Variants in PPM1H observed in about 807,000 individuals in gnomAD.
PPM1H encodes the protein protein phosphatase 1H.
A neutral mutation model predicts 54.9 loss-of-function variants in PPM1H; 27 were observed. The ratio of observed to expected loss-of-function variants is 0.49; its 90% CI spans 0.36 to 0.68. The LOEUF is 0.68. Among genes scored for constraint, PPM1H ranks in the 30% least tolerant of loss-of-function variants. PPM1H has a pLI of 0.00. For synonymous variants in PPM1H, 305 were observed against 270.8 expected, an observed-to-expected ratio of 1.13 and a Z score of -1.24; for missense variants, 596 against 667.8, an observed-to-expected ratio of 0.89 and a Z score of 1.19.
intron 1 of PPM1H, among the ~76,000 whole-genome samples, chr12:62,856,749 A>G (rs1169823418): frequency 6.6e-6 from 1 of 152,180 alleles, no homozygotes; most frequent in Non-Finnish European, 1.5e-5. Flanking sequence ...TTAAAAATGA[A>G]CTGATGCCAA....
At chr12:62,926,538 T>C (rs1871975372) in intron 1 of PPM1H, among the ~76,000 whole-genome samples, 1 of 152,120 alleles carries the variant, frequency 6.6e-6, no homozygotes, top group African/African-American at 2.4e-5. Flanking sequence ...AAAATGAACA[T>C]GTTAGAAAAA....
chr12:62,694,425 G>A (rs1270734788), intron 6 of PPM1H, among the ~76,000 whole-genome samples: 3 of 152,148 alleles, frequency 2.0e-5, no homozygotes, highest in African/African-American at 7.2e-5. Flanking sequence ...AAACAGCCTT[G>A]TATTGGGATG....
chr12:62,795,752 A>T (rs1404215925), intron 3 of PPM1H, among the ~76,000 whole-genome samples: 1 of 151,332 alleles, frequency 6.6e-6, no homozygotes, highest in Non-Finnish European at 1.5e-5. Flanking sequence ...TTTGAGACAG[A>T]GTCTCGCTCC....
chr12:62,655,464 G>A (rs2075838755), intron 9 of PPM1H, among the ~76,000 whole-genome samples: 1 of 152,202 alleles, frequency 6.6e-6, no homozygotes, highest in Non-Finnish European at 1.5e-5. Context: ...GTTGGTGACA[G>A]TGAAAGTGCT....
chr12:62,736,811 A>G (rs1353378837), intron 5 of PPM1H, among the ~76,000 whole-genome samples: 1 of 152,214 alleles, frequency 6.6e-6, no homozygotes, highest in Non-Finnish European at 1.5e-5. Flanking sequence ...ATCTGCCCCA[A>G]GGCCACCTGG....
chr12:62,783,376 T>C (rs372882698), intron 4 of PPM1H, among the ~76,000 whole-genome samples: 1 of 152,162 alleles, frequency 6.6e-6, no homozygotes, highest in Admixed American at 6.5e-5. Flanking sequence ...CTATTTCACA[T>C]AAAAGCAGGA....
At chr12:62,798,122 G>GA (rs974775076) in intron 3 of PPM1H, among the ~76,000 whole-genome samples, 26 of 151,750 alleles carry the variant, frequency 1.7e-4, no homozygotes, top group African/African-American at 6.0e-4. Flanking sequence ...ATGCCTGGAA[G>GA]AAAAAAAACA....
intron 4 of PPM1H, among the ~76,000 whole-genome samples, chr12:62,776,081 A>G (rs1397555995): frequency 6.6e-6 from 1 of 152,080 alleles, no homozygotes; most frequent in Non-Finnish European, 1.5e-5. Flanking sequence ...CTCTATCATG[A>G]GAACAGCATG....
At chr12:62,755,794 T>A (rs767160314) in intron 4 of PPM1H, 4 of 945,158 alleles carry the variant, frequency 4.2e-6, no homozygotes, top group Non-Finnish European at 5.1e-6. Context: ...AGACTGTGGA[T>A]GGCCCCTCTG....
intron 6 of PPM1H, among the ~76,000 whole-genome samples, chr12:62,697,565 A>T (rs2076121454): frequency 6.6e-6 from 1 of 152,008 alleles, no homozygotes; most frequent in South Asian, 2.1e-4. Flanking sequence ...TTTATATTAT[A>T]GTCCATGTCA....
chr12:62,723,437 T>C (rs7296066), intron 5 of PPM1H, among the ~76,000 whole-genome samples: 1,760 of 152,190 alleles, frequency 0.012, 28 homozygotes, highest in African/African-American at 0.041. Context: ...CTAAAATTCA[T>C]GTGTTGGCAA....
At chr12:62,714,210 G>A (rs1161078290) in intron 6 of PPM1H, among the ~76,000 whole-genome samples, 10 of 152,066 alleles carry the variant, frequency 6.6e-5, no homozygotes, top group East Asian at 1.9e-4. Context: ...AGGGCAACTC[G>A]GGAAATAAAT....
chr12:62,845,226 A>C (rs141206321), intron 1 of PPM1H, among the ~76,000 whole-genome samples: 105 of 152,364 alleles, frequency 6.9e-4, no homozygotes, highest in African/African-American at 2.5e-3. Flanking sequence ...CTACCCAGCC[A>C]TGCAATGAGT....
At chr12:62,688,568 T>C (rs1439091567) in intron 8 of PPM1H, among the ~76,000 whole-genome samples, 1 of 152,260 alleles carries the variant, frequency 6.6e-6, no homozygotes, top group East Asian at 1.9e-4. Flanking sequence ...CTGTTTCCTA[T>C]ATGGTAAGAC....
chr12:62,866,947 C>T (rs964448172), intron 1 of PPM1H, among the ~76,000 whole-genome samples: 3 of 151,994 alleles, frequency 2.0e-5, no homozygotes, highest in Non-Finnish European at 4.4e-5. Flanking sequence ...CACCCCACAC[C>T]CCATGCTTTC....
intron 1 of PPM1H, among the ~76,000 whole-genome samples, chr12:62,874,327 G>A (rs920397672): frequency 6.6e-6 from 1 of 152,122 alleles, no homozygotes; most frequent in Admixed American, 6.5e-5. Flanking sequence ...GACTTTCAAA[G>A]GAGAACAAAG....
At chr12:62,668,333 G>C (rs1247985798) in intron 8 of PPM1H, among the ~76,000 whole-genome samples, 1 of 152,152 alleles carries the variant, frequency 6.6e-6, no homozygotes, top group Non-Finnish European at 1.5e-5. Flanking sequence ...AGAAAAGCAA[G>C]TCAATTTAAT....
At chr12:62,750,253 C>T (rs1393683633) in intron 4 of PPM1H, among the ~76,000 whole-genome samples, 1 of 152,176 alleles carries the variant, frequency 6.6e-6, no homozygotes. Context: ...ACTCCCTATA[C>T]CCTGTACTTT....
At chr12:62,729,804 T>C (rs1191265992) in intron 5 of PPM1H, among the ~76,000 whole-genome samples, 1 of 152,238 alleles carries the variant, frequency 6.6e-6, no homozygotes, top group African/African-American at 2.4e-5. Context: ...CCGTGCTGTA[T>C]GTTAATTCCA....
Sources: gnomAD v4.1 joint callset for allele counts (sites outside exome capture counted in the v4.1 genomes callset) on GRCh38, gnomAD v4.1.1 for gene constraint, MANE v1.5 for transcripts, NCBI Gene and HGNC (gene_info 2026-07-23, HGNC 2026-07-21) for gene names.